FAM81A: variants seen among roughly 807,000 people sequenced by gnomAD.
FAM81A encodes the protein family with sequence similarity 81 member A, also known as protein FAM81A.
Under a neutral mutation model 46.7 loss-of-function variants are expected in FAM81A, and 19 were observed. That is an observed-to-expected ratio of 0.41 (90% CI 0.28 to 0.60). The LOEUF is 0.60. FAM81A is among the 20% of genes least tolerant of loss of function. The probability of loss-of-function intolerance (pLI) is 0.34; values close to 1 mark genes in which losing one functional copy is unlikely to be tolerated. For missense variants in FAM81A, 377 were observed against 453.5 expected, an observed-to-expected ratio of 0.83 and a Z score of 1.53; for synonymous variants, 183 against 152.9, an observed-to-expected ratio of 1.20 and a Z score of -1.45.
chr15:59,399,774 C>T (rs559744891), intron 1 of FAM81A, among the ~76,000 whole-genome samples: 1 of 152,298 alleles, frequency 6.6e-6, no homozygotes, highest in Non-Finnish European at 1.5e-5. Flanking sequence ...GGCTCTCCTC[C>T]TTTCCTCCTG....
chr15:59,459,348 A>G (rs1441647804), intron 2 of FAM81A, among the ~76,000 whole-genome samples: 1 of 152,226 alleles, frequency 6.6e-6, no homozygotes, highest in East Asian at 1.9e-4. Flanking sequence ...AAGCGATTTC[A>G]CATACAAGTC....
upstream of FAM81A, among the ~76,000 whole-genome samples, chr15:59,434,061 G>C (rs555641498): frequency 6.6e-6 from 1 of 152,172 alleles, no homozygotes; most frequent in East Asian, 1.9e-4. Context: ...CGCCATGTTG[G>C]CCAGGCTGGT....
chr15:59,494,276 G>A (rs1373243106), intron 4 of FAM81A, among the ~76,000 whole-genome samples: 2 of 152,138 alleles, frequency 1.3e-5, no homozygotes, highest in African/African-American at 4.8e-5. Context: ...AAGAACTTGC[G>A]AGCTATAGGA....
At chr15:59,444,003 G>C (rs921397464) in intron 1 of FAM81A, 2 of 152,330 alleles carry the variant, frequency 1.3e-5, no homozygotes, top group African/African-American at 4.8e-5. Context: ...AGACTCAAAT[G>C]CCTGCTCCTC....
chr15:59,491,392 G>A (rs1008475718), intron 3 of FAM81A, among the ~76,000 whole-genome samples: 2 of 152,082 alleles, frequency 1.3e-5, no homozygotes, highest in Non-Finnish European at 2.9e-5. Context: ...CGGAGATAGA[G>A]AGTAGAATGA....
intron 2 of FAM81A, among the ~76,000 whole-genome samples, chr15:59,415,813 G>C (rs2081144398): frequency 6.6e-6 from 1 of 152,148 alleles, no homozygotes; most frequent in Non-Finnish European, 1.5e-5. Flanking sequence ...GTGATGGAAG[G>C]ATTCCACATT....
intron 1 of FAM81A, chr15:59,401,160 C>T: frequency 8.0e-6 from 6 of 750,946 alleles, no homozygotes; most frequent in South Asian, 6.9e-5. Context: ...AGAAACATCA[C>T]AGTAATGGCA....
At chr15:59,428,996 G>C (rs1465216705) in intron 2 of FAM81A, among the ~76,000 whole-genome samples, 1 of 152,110 alleles carries the variant, frequency 6.6e-6, no homozygotes, top group Non-Finnish European at 1.5e-5. Context: ...TCCTGAGAAA[G>C]GGTGCATATG....
intron 1 of FAM81A, chr15:59,401,944 G>C (rs530411185): frequency 2.7e-6 from 2 of 734,314 alleles, no homozygotes; most frequent in African/African-American, 3.5e-5. Context: ...TTTTTCTCAT[G>C]GTAATCCAAA....
upstream of FAM81A, among the ~76,000 whole-genome samples, chr15:59,433,512 C>T (rs1372883746): frequency 6.6e-6 from 1 of 152,086 alleles, no homozygotes; most frequent in Non-Finnish European, 1.5e-5. Flanking sequence ...GATGGATTAG[C>T]CACCAATGAA....
chr15:59,427,438 T>C (rs2081199720), intron 2 of FAM81A, among the ~76,000 whole-genome samples: 1 of 152,152 alleles, frequency 6.6e-6, no homozygotes, highest in African/African-American at 2.4e-5. Flanking sequence ...AATGTGCAAT[T>C]AAATGATTAT....
intron 1 of FAM81A, among the ~76,000 whole-genome samples, chr15:59,457,507 G>A (rs755245381): frequency 1.1e-4 from 17 of 152,140 alleles, no homozygotes; most frequent in Non-Finnish European, 1.9e-4. Context: ...TATAGGCTTC[G>A]GTTTCAGGCA....
chr15:59,521,385 C>G lies in FAM81A; in HGVS notation c.*7C>G. On this transcript the variant is annotated 3_prime_UTR_variant, in exon 9 of 9. Transcript: ENST00000288228. ...GCCAGAGACCCCCATGTGAAGGGAG[C>G]TGGGACAAGGTCCTAAAAGACAGTT... 1 of 1,601,508 alleles carries G rather than the reference C, an allele frequency of 6.2e-7. No homozygotes were observed. The highest frequency in any genetic ancestry group is 8.5e-7 in the Non-Finnish European group (1 of 1,173,644).
At chr15:59,442,600 G>C (rs2081310661) in intron 1 of FAM81A, among the ~76,000 whole-genome samples, 1 of 123,408 alleles carries the variant, frequency 8.1e-6, no homozygotes, top group Non-Finnish European at 1.6e-5. Flanking sequence ...CTGGGCGACA[G>C]AGCGAGACTC....
chr15:59,430,056 A>G (rs2081212847), intron 2 of FAM81A, among the ~76,000 whole-genome samples: 2 of 152,172 alleles, frequency 1.3e-5, no homozygotes, highest in African/African-American at 4.8e-5. Context: ...AGAAAAATAA[A>G]CTAAACAGCT....
At chr15:59,404,825 A>G (rs1156586024) in intron 2 of FAM81A, among the ~76,000 whole-genome samples, 4 of 152,236 alleles carry the variant, frequency 2.6e-5, no homozygotes, top group African/African-American at 9.6e-5. Flanking sequence ...AAACTCTTCC[A>G]ATGGCTTTTC....
intron 4 of FAM81A, among the ~76,000 whole-genome samples, chr15:59,505,472 A>G (rs2082139437): frequency 1.3e-5 from 2 of 151,650 alleles, no homozygotes; most frequent in South Asian, 4.2e-4. Flanking sequence ...AGATCACGCC[A>G]CTGCACTCCA....
rs936630022 is a variant in FAM81A, at chr15:59,489,172, G to A, written c.295-3099G>A. Reference sequence around the variant, plus strand: ...CCCAGCTACTCGGGAGGCTGAGGCAGGAGAATGGCATGAACCTGGGAGGCG... The same window carrying A: ...CCCAGCTACTCGGGAGGCTGAGGCAAGAGAATGGCATGAACCTGGGAGGCG... On this transcript the variant is annotated intron_variant, in intron 3 of 8. Transcript: ENST00000288228. Among the ~76,000 whole-genome samples the A allele has an allele frequency of 1.1e-4, 17 of 152,040 alleles. 1 individual carries two copies. The highest frequency in any genetic ancestry group is 4.1e-4 in the African/African-American group (17 of 41,396).
chr15:59,494,987 G>GATACATA (rs1567069352), intron 4 of FAM81A, among the ~76,000 whole-genome samples: 19 of 152,268 alleles, frequency 1.2e-4, no homozygotes, highest in African/African-American at 4.6e-4. Flanking sequence ...CAGACCTGAA[G>GATACATA]GCCCGATACA....
Sources: allele counts gnomAD v4.1 joint callset (sites outside exome capture counted in the v4.1 genomes callset), GRCh38; gene constraint gnomAD v4.1.1; transcripts MANE v1.5; gene names NCBI Gene and HGNC (gene_info 2026-07-23, HGNC 2026-07-21).